Variants in GAP43 observed in about 807,000 individuals in gnomAD.
The protein encoded by GAP43 is neuromodulin.
GAP43 carries 6 observed loss-of-function variants against 18.6 expected under a neutral mutation model. The observed-to-expected ratio is 0.32, with a 90% confidence interval of 0.18 to 0.64. The LOEUF (loss-of-function observed/expected upper bound fraction) is 0.64, where lower values mean the gene tolerates loss of function less well. Ranked by LOEUF, GAP43 falls within the 30% of genes least tolerant of loss-of-function variation. The probability of loss-of-function intolerance (pLI) is 0.78; values close to 1 mark genes in which losing one functional copy is unlikely to be tolerated. For synonymous variants in GAP43, 115 were observed against 111.4 expected (o/e 1.03, Z -0.20); for missense variants, 292 against 295.5 (o/e 0.99, Z 0.09).
chr3:115,663,832 C>G, intron 1 of GAP43: 1 of 1,551,938 alleles, frequency 6.4e-7, no homozygotes, highest in Middle Eastern at 1.7e-4. Flanking sequence ...TTTTACCTTG[C>G]CTGGGAGGCT....
intron 1 of GAP43, among the ~76,000 whole-genome samples, chr3:115,651,845 T>C (rs1253445653): frequency 1.3e-5 from 2 of 152,136 alleles, no homozygotes; most frequent in Non-Finnish European, 2.9e-5. Flanking sequence ...TGCTGAACAC[T>C]TCTTAGGATC....
chr3:115,693,346 C>T lies in GAP43; in HGVS notation c.628+16736C>T, dbSNP rs1327655182. On this transcript the variant is annotated intron_variant, in intron 2 of 2. Transcript: ENST00000305124. ...AGTCCAAGGAAATGCTGCCCCCTTT[C>T]CTCTGACAATTTGAGAGCTGGGCCC... Among the ~76,000 whole-genome samples the T allele has an allele frequency of 5.3e-5, 8 of 152,136 alleles. No individual in the cohort carries two copies. The East Asian group carries it at 1.5e-3, about 29-fold the overall frequency.
chr3:115,662,030 G>A (rs1708667832), intron 1 of GAP43, among the ~76,000 whole-genome samples: 1 of 151,970 alleles, frequency 6.6e-6, no homozygotes, highest in African/African-American at 2.4e-5. Flanking sequence ...ATATTGTAAT[G>A]AAACCACAAT....
intron 1 of GAP43, among the ~76,000 whole-genome samples, chr3:115,661,845 T>TTTTTTTTTTTTTTTC (rs1553721649): frequency 6.7e-6 from 1 of 150,008 alleles, no homozygotes; most frequent in Non-Finnish European, 1.5e-5. Flanking sequence ...TTTTTTTTTT[T>TTTTTTTTTTTTTTTC]ACCTGGGAGC....
intron 2 of GAP43, among the ~76,000 whole-genome samples, chr3:115,703,638 TAGG>T (rs1309340209): frequency 2.6e-5 from 4 of 152,020 alleles, no homozygotes; most frequent in Admixed American, 6.6e-5. Context: ...AGATAATAAA[TAGG>T]AGGCAGTTTT....
intron 2 of GAP43, among the ~76,000 whole-genome samples, chr3:115,689,842 GAA>G (rs1709082640): frequency 6.6e-6 from 1 of 152,142 alleles, no homozygotes; most frequent in Non-Finnish European, 1.5e-5. Context: ...GAGGCAGAAA[GAA>G]TAAGCAAGGG....
At chr3:115,667,648 A>C (rs1384427727) in intron 1 of GAP43, among the ~76,000 whole-genome samples, 1 of 152,172 alleles carries the variant, frequency 6.6e-6, no homozygotes, top group East Asian at 1.9e-4. Context: ...GACCATCTTC[A>C]GGAGCTTGGC....
chr3:115,707,762 CA>C (rs1709382975), intron 2 of GAP43, among the ~76,000 whole-genome samples: 1 of 151,826 alleles, frequency 6.6e-6, no homozygotes, highest in Non-Finnish European at 1.5e-5. Flanking sequence ...TTAAAGTTAG[CA>C]AAAAAATGGA....
chr3:115,691,054 C>A (rs977542815), intron 2 of GAP43, among the ~76,000 whole-genome samples: 2 of 151,458 alleles, frequency 1.3e-5, no homozygotes, highest in South Asian at 4.2e-4. Context: ...TGCGCCTGGC[C>A]CCCTCTGGGC....
intron 1 of GAP43, among the ~76,000 whole-genome samples, chr3:115,647,889 A>G (rs890073332): frequency 1.3e-5 from 2 of 152,124 alleles, no homozygotes; most frequent in African/African-American, 4.8e-5. Flanking sequence ...TGGAGGCAGG[A>G]AGCAAGTTAA....
chr3:115,708,750 G>C (rs772004474), intron 2 of GAP43, among the ~76,000 whole-genome samples: 4 of 152,090 alleles, frequency 2.6e-5, no homozygotes, highest in Non-Finnish European at 5.9e-5. Context: ...TGGCAGGTGG[G>C]GCTGTTAGCA....
At chr3:115,633,473 G>C (rs1321103824) in intron 1 of GAP43, among the ~76,000 whole-genome samples, 1 of 152,138 alleles carries the variant, frequency 6.6e-6, no homozygotes, top group Non-Finnish European at 1.5e-5. Flanking sequence ...ATGTGGGTTA[G>C]CTACCCGAGT....
intron 2 of GAP43, among the ~76,000 whole-genome samples, chr3:115,693,026 G>GAC (rs1435025443): frequency 6.6e-5 from 10 of 152,180 alleles, no homozygotes; most frequent in Non-Finnish European, 1.5e-4. Context: ...CCTGGAGAGT[G>GAC]ACGCCTGACA....
In GAP43 at chr3:115,683,271, A is replaced by G. The variant is rs564175382; in HGVS notation, c.628+6661A>G. Among the ~76,000 whole-genome samples the G allele has an allele frequency of 1.3e-4, 20 of 151,914 alleles. 1 individual carries two copies. In the South Asian group the frequency reaches 2.5e-3, roughly 19 times the overall value. ...CTTAGCCAACCATCCTCACTTTTCC[A>G]TAGTCCCTTATTTTCTTAACTATTA... On this transcript the variant is annotated intron_variant, in intron 2 of 2. Transcript: ENST00000305124.
At chr3:115,638,478 A>G (rs1325649819) in intron 1 of GAP43, among the ~76,000 whole-genome samples, 1 of 148,938 alleles carries the variant, frequency 6.7e-6, no homozygotes, top group Non-Finnish European at 1.5e-5. Flanking sequence ...TTTCCATCTG[A>G]GTGGTGTCCA....
chr3:115,653,957 A>G (rs1279967621), intron 1 of GAP43, among the ~76,000 whole-genome samples: 1 of 152,198 alleles, frequency 6.6e-6, no homozygotes. Flanking sequence ...ACATGGATCA[A>G]GAGTAGAGAG....
intron 1 of GAP43, among the ~76,000 whole-genome samples, chr3:115,641,690 A>AGTT (rs1343571635): frequency 2.0e-5 from 3 of 152,056 alleles, no homozygotes; most frequent in Non-Finnish European, 1.5e-5. Flanking sequence ...CCCAAGGAAA[A>AGTT]GTTGTCACCT....
chr3:115,633,280 T>G (rs1166333354), intron 1 of GAP43, among the ~76,000 whole-genome samples: 1 of 151,970 alleles, frequency 6.6e-6, no homozygotes, highest in African/African-American at 2.4e-5. Context: ...ATGAATGAAT[T>G]TTATTGGTCC....
chr3:115,660,253 T>G (rs1046647109), intron 1 of GAP43, among the ~76,000 whole-genome samples: 16 of 152,280 alleles, frequency 1.1e-4, no homozygotes, highest in African/African-American at 3.9e-4. Flanking sequence ...AGTTTGGAGA[T>G]CCTCATGTTG....
Sources: gnomAD v4.1 joint callset for allele counts (sites outside exome capture counted in the v4.1 genomes callset) on GRCh38, gnomAD v4.1.1 for gene constraint, MANE v1.5 for transcripts, NCBI Gene and HGNC (gene_info 2026-07-23, HGNC 2026-07-21) for gene names.